GRM8: variants seen among roughly 807,000 people sequenced by gnomAD.
The protein encoded by GRM8 is metabotropic glutamate receptor 8.
GRM8 carries 47 observed loss-of-function variants against 87.2 expected under a neutral mutation model. The observed-to-expected ratio is 0.54, with a 90% confidence interval of 0.43 to 0.69. The LOEUF (loss-of-function observed/expected upper bound fraction) is 0.69. Ranked by LOEUF, GRM8 falls within the 30% of genes least tolerant of loss-of-function variation. GRM8 has a pLI of 0.00. For missense variants in GRM8, 1,019 were observed against 1,139.2 expected, an observed-to-expected ratio of 0.89 and a Z score of 1.52; for synonymous variants, 396 against 404.5, an observed-to-expected ratio of 0.98 and a Z score of 0.25.
intron 7 of GRM8, among the ~76,000 whole-genome samples, chr7:126,748,602 GTTTT>G (rs35336284): frequency 8.4e-5 from 10 of 118,776 alleles, no homozygotes; most frequent in African/African-American, 2.5e-4. Flanking sequence ...AGCAGGTCGG[GTTTT>G]TTTTTTTTTT....
intron 3 of GRM8, among the ~76,000 whole-genome samples, chr7:126,959,154 G>T (rs1330735304): frequency 6.6e-6 from 1 of 152,190 alleles, no homozygotes. Context: ...AATACACAGG[G>T]TCTTGTGAAT....
At chr7:126,678,305 G>GATATAGACTAGTGTTCTTGATTC (rs1668379041) in intron 7 of GRM8, among the ~76,000 whole-genome samples, 1 of 152,124 alleles carries the variant, frequency 6.6e-6, no homozygotes. Flanking sequence ...TTGATAAGTA[G>GATATAGACTAGTGTTCTTGATTC]ATATAGACTA....
At chr7:126,695,124 A>T (rs995453129) in intron 7 of GRM8, among the ~76,000 whole-genome samples, 1 of 152,198 alleles carries the variant, frequency 6.6e-6, no homozygotes, top group Non-Finnish European at 1.5e-5. Flanking sequence ...GGAGGGACTG[A>T]GATGCCTATA....
intron 6 of GRM8, among the ~76,000 whole-genome samples, chr7:126,845,325 A>G (rs115085487): frequency 7.2e-4 from 109 of 152,322 alleles, no homozygotes; most frequent in African/African-American, 2.6e-3. Flanking sequence ...GCAGTTTAAG[A>G]GAGGGTATTG....
In GRM8 at chr7:127,064,814, G is replaced by C. The variant is rs138771639; in HGVS notation, c.727+41682C>G. 3.2e-3 allele frequency among the ~76,000 whole-genome samples: 483 copies of C among 152,286 alleles called. 3 individuals are homozygous for C. The highest frequency in any genetic ancestry group is 0.011 in the African/African-American group (459 of 41,556). On this transcript the variant is annotated intron_variant, in intron 3 of 10. Coordinates refer to ENST00000339582, the MANE Select transcript of GRM8 (RefSeq NM_000845.3). ...GAGAATTACTAATCAAAACCACAGT[G>C]AGATACCATCTCATACCGGTCAGAA...
chr7:127,212,410 A>AT (rs144077638), intron 2 of GRM8, among the ~76,000 whole-genome samples: 5,000 of 97,554 alleles, frequency 0.051, 603 homozygotes, highest in African/African-American at 0.16. Context: ...ACATGGTGTT[A>AT]TTTTTTTTTT....
At chr7:126,579,023 A>G (rs1344274841) in intron 8 of GRM8, among the ~76,000 whole-genome samples, 1 of 152,164 alleles carries the variant, frequency 6.6e-6, no homozygotes, top group Non-Finnish European at 1.5e-5. Flanking sequence ...CATGGCCATT[A>G]TCTTACGTAA....
chr7:127,138,016 A>G (rs901921407), intron 2 of GRM8, among the ~76,000 whole-genome samples: 2 of 152,174 alleles, frequency 1.3e-5, no homozygotes, highest in African/African-American at 4.8e-5. Context: ...TTTGCCACAA[A>G]TCAGATATTT....
intron 8 of GRM8, among the ~76,000 whole-genome samples, chr7:126,589,411 G>A (rs964962703): frequency 5.9e-5 from 9 of 152,026 alleles, no homozygotes; most frequent in Non-Finnish European, 1.3e-4. Context: ...AATCCTACTG[G>A]TAACGTAACT....
chr7:127,189,648 C>T (rs913497210), intron 2 of GRM8, among the ~76,000 whole-genome samples: 1 of 151,938 alleles, frequency 6.6e-6, no homozygotes, highest in African/African-American at 2.4e-5. Context: ...AAAATAGAAA[C>T]AAAGGAAAGG....
chr7:126,440,753 G>A (rs556752862), intron 10 of GRM8, among the ~76,000 whole-genome samples: 1 of 152,130 alleles, frequency 6.6e-6, no homozygotes, highest in Admixed American at 6.6e-5. Flanking sequence ...GTTTGTGTAA[G>A]TACACTGTAT....
intron 6 of GRM8, among the ~76,000 whole-genome samples, chr7:126,901,065 C>T (rs1215862468): frequency 6.6e-6 from 1 of 152,178 alleles, no homozygotes; most frequent in African/African-American, 2.4e-5. Flanking sequence ...TGGTCTGGCT[C>T]CAGACTATCA....
chr7:127,198,669 A>T (rs1300374473), intron 2 of GRM8, among the ~76,000 whole-genome samples: 4 of 144,548 alleles, frequency 2.8e-5, no homozygotes, highest in East Asian at 2.0e-4. Context: ...ATAGAAATGA[A>T]TTTTTTTTTT....
At chr7:126,666,183 T>G (rs535097361) in intron 7 of GRM8, among the ~76,000 whole-genome samples, 35 of 152,194 alleles carry the variant, frequency 2.3e-4, no homozygotes, top group Non-Finnish European at 4.7e-4. Context: ...CCAAATAGTG[T>G]TGACTAATGT....
chr7:126,720,110 CTTCCT>C (rs989698942), intron 7 of GRM8, among the ~76,000 whole-genome samples: 12 of 151,106 alleles, frequency 7.9e-5, no homozygotes, highest in Non-Finnish European at 1.5e-4. Flanking sequence ...TCTTCCTGTT[CTTCCT>C]TTATTATGTA....
chr7:127,058,412 T>A (rs1299051650), intron 3 of GRM8, among the ~76,000 whole-genome samples: 1 of 152,242 alleles, frequency 6.6e-6, no homozygotes, highest in African/African-American at 2.4e-5. Context: ...ATAGATTTCA[T>A]GGCTTGTTAC....
At chr7:126,966,824 T>C (rs1407881554) in intron 3 of GRM8, among the ~76,000 whole-genome samples, 1 of 152,066 alleles carries the variant, frequency 6.6e-6, no homozygotes, top group Non-Finnish European at 1.5e-5. Flanking sequence ...AGAATTGTAT[T>C]TGGAAAGGAT....
intron 7 of GRM8, among the ~76,000 whole-genome samples, chr7:126,722,573 T>C (rs114844341): frequency 2.2e-3 from 337 of 152,294 alleles, no homozygotes; most frequent in African/African-American, 7.7e-3. Context: ...TTGTTTCCTA[T>C]AGCCTTGAAG....
intron 9 of GRM8, among the ~76,000 whole-genome samples, chr7:126,516,052 T>C (rs1812117012): frequency 6.6e-6 from 1 of 152,066 alleles, no homozygotes; most frequent in Admixed American, 6.6e-5. Flanking sequence ...ATGCCTTAAA[T>C]GTATTTGTAG....
Sources: gnomAD v4.1 joint callset for allele counts (sites outside exome capture counted in the v4.1 genomes callset) on GRCh38, gnomAD v4.1.1 for gene constraint, MANE v1.5 for transcripts, NCBI Gene and HGNC (gene_info 2026-07-23, HGNC 2026-07-21) for gene names.